RFX2: variants seen among roughly 807,000 people sequenced by gnomAD.
RFX2 encodes the protein DNA-binding protein RFX2.
RFX2 carries 20 observed loss-of-function variants against 87.8 expected under a neutral mutation model. The ratio of observed to expected loss-of-function variants is 0.23; its 90% CI spans 0.16 to 0.33. The LOEUF (loss-of-function observed/expected upper bound fraction) is 0.33. Among genes scored for constraint, RFX2 ranks in the 10% least tolerant of loss-of-function variants. RFX2 has a pLI of 1.00. For synonymous variants in RFX2, 397 were observed against 431.3 expected, an observed-to-expected ratio of 0.92 and a Z score of 0.98; for missense variants, 767 against 1,012.3, an observed-to-expected ratio of 0.76 and a Z score of 3.29.
At chr19:6,066,700 C>T (rs1013522954) in intron 1 of RFX2, among the ~76,000 whole-genome samples, 3 of 152,156 alleles carry the variant, frequency 2.0e-5, no homozygotes, top group African/African-American at 7.2e-5. Context: ...GCAAATCAAA[C>T]TCAAATTTAA....
rs1222085270 is a variant in RFX2, at chr19:6,050,040, C to T, written c.-8-2536G>A. 6.6e-6 allele frequency among the ~76,000 whole-genome samples: 1 copy of T among 152,218 alleles called. No individual in the cohort carries two copies. Among genetic ancestry groups the T allele is most frequent in the African/African-American group, 2.4e-5 (1 of 41,468 alleles). ...GAGAGAGCCACAGAAGGGGTGAGCC[C>T]TCAAATCTTCCTACAAAATACACCT... is the stretch of plus-strand genomic sequence containing the variant. On this transcript the variant is annotated intron_variant, in intron 1 of 17. Coordinates refer to ENST00000303657, the MANE Select transcript of RFX2 (RefSeq NM_000635.4). The surrounding 1 kb of genome is among the most constrained non-coding windows in gnomAD (Gnocchi z 4.6).
intron 1 of RFX2, among the ~76,000 whole-genome samples, chr19:6,062,158 C>T (rs1396706414): frequency 6.6e-6 from 1 of 151,960 alleles, no homozygotes; most frequent in Non-Finnish European, 1.5e-5. Flanking sequence ...GACCCTGTCT[C>T]TAAAAAGAAT....
At chr19:6,081,186 C>T (rs1163764818) in intron 1 of RFX2, among the ~76,000 whole-genome samples, 1 of 152,112 alleles carries the variant, frequency 6.6e-6, no homozygotes, top group African/African-American at 2.4e-5. Context: ...AAGACAAAGA[C>T]ATTCACTACT....
At chr19:6,106,553 T>A (rs1246959611) in intron 1 of RFX2, among the ~76,000 whole-genome samples, 4 of 152,080 alleles carry the variant, frequency 2.6e-5, no homozygotes, top group Non-Finnish European at 4.4e-5. Context: ...TTCGGGTGAA[T>A]ATTCATATAG....
At chr19:6,033,058 G>A (rs558001713) in intron 5 of RFX2, among the ~76,000 whole-genome samples, 2 of 152,308 alleles carry the variant, frequency 1.3e-5, no homozygotes, top group East Asian at 1.9e-4. Context: ...CCAAAGTGCT[G>A]GGATGACCAG....
intron 1 of RFX2, among the ~76,000 whole-genome samples, chr19:6,076,264 A>G (rs543574122): frequency 6.6e-6 from 1 of 152,320 alleles, no homozygotes; most frequent in South Asian, 2.1e-4. Context: ...GAATCGCCTG[A>G]ACCCGGGAGG....
In RFX2 at chr19:6,008,138, C is replaced by T. The variant is rs1250995197; in HGVS notation, c.1102G>A (p.Ala368Thr). The change falls in exon 10 of 18, where the codon GCC (alanine) becomes ACC (threonine). Residue 368 changes from alanine (A) to threonine (T), a missense_variant. Physicochemically the swap from Ala to Thr is moderately conservative, Grantham distance 58. Coordinates refer to ENST00000303657, the MANE Select transcript of RFX2 (RefSeq NM_000635.4). ...TGCCGTCTGTACACCAGCTGCAGGG[C>T]CTTGACGTCGTGCAGTGTGACGCCG... Reference protein sequence around the residue: ...QDGVTLHDVKALQLVYRRHCE... With the variant: ...QDGVTLHDVKTLQLVYRRHCE... The T allele has an allele frequency of 2.4e-5, 38 of 1,553,498 alleles. No homozygotes were observed. The highest frequency in any genetic ancestry group is 1.7e-4 in the Middle Eastern group (1 of 5,944).
intron 1 of RFX2, among the ~76,000 whole-genome samples, chr19:6,082,371 G>C (rs997410411): frequency 1.3e-5 from 2 of 151,974 alleles, no homozygotes; most frequent in African/African-American, 4.8e-5. Flanking sequence ...GTCATTGCTG[G>C]GGATTAATAT....
At chr19:6,081,916 T>C (rs1181626519) in intron 1 of RFX2, among the ~76,000 whole-genome samples, 1 of 152,090 alleles carries the variant, frequency 6.6e-6, no homozygotes, top group Non-Finnish European at 1.5e-5. Context: ...TGAAACCCCA[T>C]CTCTACTAAA....
intron 1 of RFX2, among the ~76,000 whole-genome samples, chr19:6,089,925 T>A (rs2087909473): frequency 6.6e-6 from 1 of 152,082 alleles, no homozygotes; most frequent in African/African-American, 2.4e-5. Flanking sequence ...TGAGATAACA[T>A]CTTTGGATTG....
intron 1 of RFX2, among the ~76,000 whole-genome samples, chr19:6,065,366 G>T (rs2087493960): frequency 6.6e-6 from 1 of 152,152 alleles, no homozygotes; most frequent in Non-Finnish European, 1.5e-5. Context: ...AGAAAAAAAG[G>T]CCGGGCACGG....
chr19:6,032,159 G>A (rs994340272), intron 5 of RFX2, among the ~76,000 whole-genome samples: 1 of 151,926 alleles, frequency 6.6e-6, no homozygotes, highest in African/African-American at 2.4e-5. Context: ...GTCTTGCTTT[G>A]TCGCCATACT....
chr19:6,043,476 AT>A (rs2144770581), intron 3 of RFX2, among the ~76,000 whole-genome samples: 1 of 152,330 alleles, frequency 6.6e-6, no homozygotes, highest in Admixed American at 6.5e-5. Flanking sequence ...GTTAACTTTA[AT>A]TCAGGATTCT....
chr19:6,015,598 C>T (rs557700473), intron 7 of RFX2, among the ~76,000 whole-genome samples: 2 of 152,160 alleles, frequency 1.3e-5, no homozygotes, highest in East Asian at 2.0e-4. Flanking sequence ...AAGTGCTCCT[C>T]CCCTCTCAGT....
chr19:6,096,906 C>A (rs1269013707), intron 1 of RFX2, among the ~76,000 whole-genome samples: 1 of 152,140 alleles, frequency 6.6e-6, no homozygotes, highest in Non-Finnish European at 1.5e-5. Context: ...CAGCTGGAAG[C>A]ACCAGATTTG....
intron 1 of RFX2, among the ~76,000 whole-genome samples, chr19:6,104,054 C>A (rs992767466): frequency 3.3e-5 from 5 of 152,120 alleles, no homozygotes; most frequent in Non-Finnish European, 4.4e-5. Flanking sequence ...AGATGTCAAA[C>A]CTTGCCCCAG....
intron 1 of RFX2, among the ~76,000 whole-genome samples, chr19:6,091,448 C>CAAA (rs777847524): frequency 9.2e-6 from 1 of 108,600 alleles, no homozygotes; most frequent in African/African-American, 3.3e-5. Flanking sequence ...ACCCTATCTT[C>CAAA]AAAAAAAAAA....
chr19:6,092,012 C>T (rs956382860), intron 1 of RFX2, among the ~76,000 whole-genome samples: 37 of 152,054 alleles, frequency 2.4e-4, no homozygotes, highest in Middle Eastern at 3.2e-3. Flanking sequence ...ATTCTACATC[C>T]GGGAGTGGGG....
intron 1 of RFX2, among the ~76,000 whole-genome samples, chr19:6,096,228 C>T (rs1487892528): frequency 6.6e-6 from 1 of 152,150 alleles, no homozygotes; most frequent in Non-Finnish European, 1.5e-5. Context: ...AAACATTTTC[C>T]CTACCAATAT....
Sources: allele counts gnomAD v4.1 joint callset (sites outside exome capture counted in the v4.1 genomes callset), GRCh38; gene constraint gnomAD v4.1.1; non-coding constraint Gnocchi (gnomAD v3.1); transcripts MANE v1.5; gene names NCBI Gene and HGNC (gene_info 2026-07-23, HGNC 2026-07-21).